The following CHN2 variants were observed in gnomAD, a reference collection of about 807,000 sequenced individuals.
CHN2 encodes the protein beta-chimaerin.
A neutral mutation model predicts 56.3 loss-of-function variants in CHN2; 35 were observed. The ratio of observed to expected loss-of-function variants is 0.62; its 90% confidence interval spans 0.47 to 0.82. CHN2 has a LOEUF of 0.82. Among genes scored for constraint, CHN2 ranks in the 40% least tolerant of loss-of-function variants. The pLI is 0.00. For missense variants in CHN2, 491 were observed against 580.5 expected (o/e 0.85, Z 1.58); for synonymous variants, 210 against 212.8 (o/e 0.99, Z 0.12).
intron 1 of CHN2, among the ~76,000 whole-genome samples, chr7:29,281,434 G>T (rs1309713463): frequency 1.3e-5 from 2 of 152,178 alleles, no homozygotes; most frequent in African/African-American, 4.8e-5. Flanking sequence ...CTTGTAAAGA[G>T]TGCTGCCTCA....
intron 7 of CHN2, among the ~76,000 whole-genome samples, chr7:29,480,711 C>G (rs1787101751): frequency 6.6e-6 from 1 of 152,220 alleles, no homozygotes; most frequent in South Asian, 2.1e-4. Context: ...CTTTTCCACT[C>G]AGTAAAGAAT....
At chr7:29,357,240 C>T (rs980041966) in intron 2 of CHN2, among the ~76,000 whole-genome samples, 1 of 152,192 alleles carries the variant, frequency 6.6e-6, no homozygotes, top group East Asian at 1.9e-4. Context: ...AAAAGTTCCT[C>T]TTTATTATAT....
chr7:29,473,485 TGTG>T (rs1786326659), intron 6 of CHN2, among the ~76,000 whole-genome samples: 1 of 123,266 alleles, frequency 8.1e-6, no homozygotes, highest in Non-Finnish European at 1.8e-5. Flanking sequence ...TTTTTTTTTG[TGTG>T]TGTGTGTGTG....
intron 1 of CHN2, among the ~76,000 whole-genome samples, chr7:29,221,136 A>C (rs2128792072): frequency 6.6e-6 from 1 of 152,318 alleles, no homozygotes; most frequent in East Asian, 1.9e-4. Flanking sequence ...CTTAATGATA[A>C]AGTAATAAAT....
At chr7:29,469,000 A>G (rs11981901) in intron 6 of CHN2, among the ~76,000 whole-genome samples, 3,557 of 152,184 alleles carry the variant, frequency 0.023, 128 homozygotes, top group African/African-American at 0.076. Flanking sequence ...CAACTGCCTC[A>G]ATGTTCCTAT....
rs763515614 is a variant in CHN2, at chr7:29,507,208, G to C, written c.992-20G>C. On this transcript the variant is annotated intron_variant, in intron 10 of 12. Transcript: ENST00000222792. ...GAAATAAGGTCCTAATTAGGACTTG[G>C]ATCACTGATTGTTTTTCAGATGGTG... is the stretch of plus-strand genomic sequence containing the variant. 1 of 1,595,882 alleles carries C rather than the reference G, an allele frequency of 6.3e-7. No homozygotes were observed. Among genetic ancestry groups the C allele is most frequent in the Non-Finnish European group, 8.5e-7 (1 of 1,173,894 alleles).
rs1793860468 is a variant in CHN2, at chr7:29,153,277, A to G, written c.274+6317A>G. The stretch of plus-strand genomic sequence containing the variant: ...CTCCAAAGAAAGAGGCAGGCTTGGA[A>G]ATAAATAAACATCTGTTGATTTAAA... On this transcript the variant is annotated intron_variant, in intron 2 of 6. Transcript: ENST00000439384. 3.3e-5 allele frequency among the ~76,000 whole-genome samples: 5 copies of G among 152,190 alleles called. No homozygotes were observed. The South Asian group carries it at 1.0e-3, about 32-fold the overall frequency.
intron 2 of CHN2, among the ~76,000 whole-genome samples, chr7:29,158,963 C>T (rs751334564): frequency 6.6e-6 from 1 of 152,162 alleles, no homozygotes; most frequent in Non-Finnish European, 1.5e-5. Flanking sequence ...AGATACCCTG[C>T]GGCAATCGAA....
intron 6 of CHN2, among the ~76,000 whole-genome samples, chr7:29,411,879 T>C (rs866082005): frequency 6.6e-6 from 1 of 152,164 alleles, no homozygotes; most frequent in African/African-American, 2.4e-5. Context: ...TGGCAGTTCA[T>C]TGCTGCCTTG....
At chr7:29,234,499 A>G (rs1787028183) in intron 1 of CHN2, among the ~76,000 whole-genome samples, 1 of 152,126 alleles carries the variant, frequency 6.6e-6, no homozygotes, top group Non-Finnish European at 1.5e-5. Context: ...TTAAGTTTGC[A>G]TGGGATTTTT....
At chr7:29,302,036 C>T (rs1793712942) in intron 1 of CHN2, among the ~76,000 whole-genome samples, 1 of 152,162 alleles carries the variant, frequency 6.6e-6, no homozygotes, top group Admixed American at 6.5e-5. Context: ...CCAGAGGAGC[C>T]CTAAGGCAGG....
intron 2 of CHN2, among the ~76,000 whole-genome samples, chr7:29,171,432 G>A (rs1040959600): frequency 6.6e-6 from 1 of 152,150 alleles, no homozygotes; most frequent in African/African-American, 2.4e-5. Flanking sequence ...AGCTGAACTT[G>A]TTAGAAGGAG....
intron 9 of CHN2, 84 bp from the exon 10 acceptor site, chr7:29,504,660 G>A (rs1790360428): frequency 8.3e-6 from 7 of 841,544 alleles, no homozygotes; most frequent in South Asian, 6.2e-5. Flanking sequence ...CTGATAGCAT[G>A]TAGTATAGAC....
chr7:29,182,295 C>A (rs1328685084), intron 2 of CHN2, among the ~76,000 whole-genome samples: 2 of 152,050 alleles, frequency 1.3e-5, no homozygotes, highest in African/African-American at 4.8e-5. Context: ...CTATTCAATG[C>A]CTTAAAAGAG....
At chr7:29,304,159 C>G (rs1793949275) in intron 1 of CHN2, among the ~76,000 whole-genome samples, 1 of 152,122 alleles carries the variant, frequency 6.6e-6, no homozygotes, top group Non-Finnish European at 1.5e-5. Context: ...CAAAAAGCCA[C>G]TGGAGTTAGT....
chr7:29,340,174 T>C (rs1249264938), intron 1 of CHN2, among the ~76,000 whole-genome samples: 1 of 152,096 alleles, frequency 6.6e-6, no homozygotes, highest in East Asian at 1.9e-4. Context: ...TGAAATCGAG[T>C]TGAAGAAAGC....
chr7:29,295,910 G>A (rs1003810010), intron 1 of CHN2, among the ~76,000 whole-genome samples: 1 of 152,200 alleles, frequency 6.6e-6, no homozygotes, highest in East Asian at 1.9e-4. Flanking sequence ...TTTCACTGAT[G>A]CCTGAGATGT....
intron 6 of CHN2, among the ~76,000 whole-genome samples, chr7:29,413,203 C>G (rs1460751273): frequency 6.6e-6 from 1 of 152,148 alleles, no homozygotes; most frequent in Non-Finnish European, 1.5e-5. Flanking sequence ...TTAATGAAGT[C>G]CAAGTATCAG....
At chr7:29,154,490 T>G (rs1794062343) in intron 2 of CHN2, among the ~76,000 whole-genome samples, 1 of 152,162 alleles carries the variant, frequency 6.6e-6, no homozygotes, top group Non-Finnish European at 1.5e-5. Context: ...TGACACTTCT[T>G]ATACTCTAGA....
Sources: gnomAD v4.1 joint callset for allele counts (sites outside exome capture counted in the v4.1 genomes callset) on GRCh38, gnomAD v4.1.1 for gene constraint, MANE v1.5 for transcripts, NCBI Gene and HGNC (gene_info 2026-07-23, HGNC 2026-07-21) for gene names.